Variants in PLXNA4 observed in about 807,000 individuals in gnomAD.
PLXNA4 encodes the protein plexin A4, also known as plexin-A4.
In PLXNA4, 44 loss-of-function variants were observed where a neutral mutation model predicts 191.8. That is an observed-to-expected ratio of 0.23 (90% CI 0.18 to 0.29). PLXNA4 has a LOEUF of 0.29. Among genes scored for constraint, PLXNA4 ranks in the 10% least tolerant of loss-of-function variants. PLXNA4 has a pLI of 1.00. For synonymous variants in PLXNA4, 1,082 were observed against 1,009.5 expected, an observed-to-expected ratio of 1.07 and a Z score of -1.36; for missense variants, 1,800 against 2,488.8, an observed-to-expected ratio of 0.72 and a Z score of 5.89.
chr7:132,271,291 C>T (rs1800059358), intron 4 of PLXNA4: 3 of 152,096 alleles, frequency 2.0e-5, no homozygotes, highest in Admixed American at 2.0e-4. Flanking sequence ...GAAGCTTATC[C>T]TATTCTATCC....
In PLXNA4 at chr7:132,124,561, T is replaced by C. The variant is rs1473734190; in HGVS notation, c.*5918A>G. On this transcript the variant is annotated 3_prime_UTR_variant, in exon 32 of 32. Coordinates refer to ENST00000321063, the MANE Select transcript of PLXNA4 (RefSeq NM_020911.2). ...AAGTTCTAATTCCAAATAAAGAAATTGCTGGAAGAAGAGCTGCATAGACCA... is the reference window on the plus strand; with the variant it reads ...AAGTTCTAATTCCAAATAAAGAAATCGCTGGAAGAAGAGCTGCATAGACCA... 6.6e-6 allele frequency: 1 copy of C among 152,222 alleles called. No individual in the cohort carries two copies. The highest frequency in any genetic ancestry group is 1.5e-5 in the Non-Finnish European group (1 of 68,040). 9.4% of individuals were successfully genotyped at this position (152,222 alleles called of 1,614,324 possible).
intron 2 of PLXNA4, among the ~76,000 whole-genome samples, chr7:132,640,315 A>C (rs1360301694): frequency 2.6e-5 from 4 of 152,206 alleles, no homozygotes; most frequent in Admixed American, 2.6e-4. Context: ...GGTAGGAGAA[A>C]CTTACACTAA....
At chr7:132,248,309 T>G (rs1436263482) in intron 4 of PLXNA4, among the ~76,000 whole-genome samples, 1 of 152,120 alleles carries the variant, frequency 6.6e-6, no homozygotes, top group Non-Finnish European at 1.5e-5. Flanking sequence ...CCCAGCTGAG[T>G]TGAGCTTAGG....
intron 24 of PLXNA4, among the ~76,000 whole-genome samples, chr7:132,161,755 G>C (rs1233775579): frequency 6.6e-6 from 1 of 152,156 alleles, no homozygotes; most frequent in African/African-American, 2.4e-5. Context: ...CGGGCACCTA[G>C]CGCTCTGGCA....
chr7:132,593,121 T>G (rs1223154273), intron 2 of PLXNA4, among the ~76,000 whole-genome samples: 1 of 152,220 alleles, frequency 6.6e-6, no homozygotes, highest in Non-Finnish European at 1.5e-5. Flanking sequence ...CTGTTTTGTT[T>G]AGGCTCAGTT....
chr7:132,526,230 T>A (rs1799395967), intron 1 of PLXNA4, among the ~76,000 whole-genome samples: 1 of 152,162 alleles, frequency 6.6e-6, no homozygotes, highest in Non-Finnish European at 1.5e-5. Context: ...CTCCTTGATA[T>A]TCCCTTCCCA....
At chr7:132,423,386 T>G (rs189963588) in intron 3 of PLXNA4, among the ~76,000 whole-genome samples, 1 of 152,332 alleles carries the variant, frequency 6.6e-6, no homozygotes, top group East Asian at 1.9e-4. Context: ...TAGGCCCTGT[T>G]CTGTCCTCCC....
intron 3 of PLXNA4, among the ~76,000 whole-genome samples, chr7:132,429,729 TTC>T (rs1451733902): frequency 1.3e-5 from 2 of 152,228 alleles, no homozygotes; most frequent in African/African-American, 2.4e-5. Context: ...GACTTTGTGC[TTC>T]TCTGATTATT....
In PLXNA4 at chr7:132,180,538, G is replaced by A. The variant is rs1415628340; in HGVS notation, c.3639+48C>T. 1.9e-6 allele frequency: 3 copies of A among 1,608,642 alleles called. No homozygotes were observed. The Admixed American group carries it at 5.0e-5, about 27-fold the overall frequency. On this transcript the variant is annotated intron_variant, in intron 19 of 31. Transcript: ENST00000321063. ...GCCTTGGTGGCCTGAGCTCACATCT[G>A]CATCCCTACTGCCCGCTCCATCCAG...
chr7:132,439,401 G>A (rs3752709), intron 3 of PLXNA4, among the ~76,000 whole-genome samples: 112,605 of 152,018 alleles, frequency 0.74, 45,422 homozygotes, highest in Non-Finnish European at 0.91. Context: ...GATTCACATT[G>A]TACATACATG....
At chr7:132,423,139 A>C (rs1461684688) in intron 3 of PLXNA4, among the ~76,000 whole-genome samples, 1 of 152,250 alleles carries the variant, frequency 6.6e-6, no homozygotes, top group African/African-American at 2.4e-5. Flanking sequence ...CCGTGGAATT[A>C]GCCAGGAGGG....
Position 132,552,353 on chromosome 7 carries a change from A to T in PLXNA4, c.-87+24069T>A, listed in dbSNP as rs547722109. On this transcript the variant is annotated intron_variant, in intron 1 of 31. Transcript: ENST00000321063. ...TCTCAGCAAACACTTGGTCAAAAAG[A>T]AGTCACAGGGGGAGTTATTTGTTTG... Among the ~76,000 whole-genome samples, 10 of 152,262 alleles carry T rather than the reference A, an allele frequency of 6.6e-5. No individual in the cohort carries two copies. The South Asian group carries it at 2.1e-3, about 32-fold the overall frequency.
chr7:132,319,042 G>A (rs1802062082), intron 3 of PLXNA4, among the ~76,000 whole-genome samples: 2 of 152,154 alleles, frequency 1.3e-5, no homozygotes, highest in African/African-American at 4.8e-5. Context: ...CCCCAAGGTG[G>A]CCCACATAGA....
chr7:132,617,001 G>A (rs767471146), intron 2 of PLXNA4, among the ~76,000 whole-genome samples: 45 of 152,246 alleles, frequency 3.0e-4, no homozygotes, highest in Non-Finnish European at 3.5e-4. Context: ...TCACCACAAA[G>A]AACCCTGAAG....
chr7:132,335,802 G>C (rs1425000960), intron 3 of PLXNA4, among the ~76,000 whole-genome samples: 2 of 152,228 alleles, frequency 1.3e-5, no homozygotes, highest in Non-Finnish European at 2.9e-5. Flanking sequence ...AAGAACTAAA[G>C]CTAACCCATG....
At chr7:132,326,675 C>A (rs1332495151) in intron 3 of PLXNA4, among the ~76,000 whole-genome samples, 1 of 152,216 alleles carries the variant, frequency 6.6e-6, no homozygotes, top group Non-Finnish European at 1.5e-5. Flanking sequence ...TCCCTGACTC[C>A]GAGTGCTGAT....
intron 3 of PLXNA4, among the ~76,000 whole-genome samples, chr7:132,310,895 G>C (rs1041765277): frequency 2.0e-5 from 3 of 152,164 alleles, no homozygotes; most frequent in Non-Finnish European, 4.4e-5. Context: ...CTATGACAAG[G>C]GGCAGAGGTG....
In PLXNA4 at chr7:132,508,623, G is replaced by C; in HGVS notation, c.71C>G (p.Thr24Ser). 6.2e-7 allele frequency: 1 copy of C among 1,608,750 alleles called. No individual in the cohort carries two copies. Among genetic ancestry groups the C allele is most frequent in the East Asian group, 2.2e-5 (1 of 44,744 alleles). Reference sequence around the variant, plus strand: ...CGGGGCTGGCTGCCGGGTGAGCAAAGTGGAGGAGCCCATGCCCACCATGAG... The same window carrying C: ...CGGGGCTGGCTGCCGGGTGAGCAAACTGGAGGAGCCCATGCCCACCATGAG... ...HLLMVGMGSS[T>S]LLTRQPAPLS... Residue 24 changes from threonine (T) to serine (S), a missense_variant, in exon 2 of 32, where the codon ACT becomes AGT. Thr to Ser is a moderately conservative substitution (Grantham distance 58). Coordinates refer to ENST00000321063, the MANE Select transcript of PLXNA4 (RefSeq NM_020911.2). This position sits in a 1 kb window ranked among gnomAD's most constrained non-coding sequence, Gnocchi z 4.4.
At chr7:132,593,708 T>C (rs188611514) in intron 2 of PLXNA4, among the ~76,000 whole-genome samples, 145 of 152,304 alleles carry the variant, frequency 9.5e-4, no homozygotes, top group African/African-American at 3.2e-3. Context: ...TATATCCACA[T>C]GGGCTCCCTG....
Sources: gnomAD v4.1 joint callset for allele counts (sites outside exome capture counted in the v4.1 genomes callset) on GRCh38, gnomAD v4.1.1 for gene constraint, Gnocchi (gnomAD v3.1) non-coding constraint, MANE v1.5 for transcripts, NCBI Gene and HGNC (gene_info 2026-07-23, HGNC 2026-07-21) for gene names.